The following LMLN variants were observed in gnomAD, a reference collection of about 807,000 sequenced individuals.
LMLN encodes leishmanolysin like peptidase, also known as leishmanolysin-like peptidase.
A neutral mutation model predicts 92.3 loss-of-function variants in LMLN; 70 were observed. The ratio of observed to expected loss-of-function variants is 0.76; its 90% confidence interval spans 0.63 to 0.92. The LOEUF is 0.92. Among genes scored for constraint, LMLN ranks in the 40% least tolerant of loss-of-function variants. The pLI, the probability that LMLN is intolerant of heterozygous loss-of-function variation, is 0.00. For synonymous variants in LMLN, 308 were observed against 296.2 expected (o/e 1.04, Z -0.41); for missense variants, 691 against 814.6 (o/e 0.85, Z 1.85).
chr3:197,975,169 G>T, intron 3 of LMLN, 97 bp downstream of exon 3: 1 of 686,436 alleles, frequency 1.5e-6, no homozygotes, highest in South Asian at 1.9e-5. Flanking sequence ...TGACTTTTGT[G>T]ACTGAATGAA....
intron 1 of LMLN, among the ~76,000 whole-genome samples, chr3:197,964,910 G>A (rs1339667588): frequency 6.6e-6 from 1 of 151,848 alleles, no homozygotes; most frequent in Non-Finnish European, 1.5e-5. Flanking sequence ...TGGAGGCTGA[G>A]GCAGGAGAAT....
intron 1 of LMLN, among the ~76,000 whole-genome samples, chr3:197,972,584 C>T (rs910424236): frequency 1.3e-5 from 2 of 152,044 alleles, no homozygotes; most frequent in Admixed American, 6.6e-5. Context: ...CCTGCTTTTT[C>T]CCCCATTGTG....
intron 5 of LMLN, among the ~76,000 whole-genome samples, chr3:197,978,602 A>C (rs1721469608): frequency 6.6e-6 from 1 of 152,092 alleles, no homozygotes; most frequent in Non-Finnish European, 1.5e-5. Context: ...TTCCCACTGT[A>C]CTCCAACCTG....
At chr3:197,980,809 G>A in intron 6 of LMLN, 1 of 248,048 alleles carries the variant, frequency 4.0e-6, no homozygotes, top group South Asian at 6.1e-5. Flanking sequence ...CAAAGAAAAA[G>A]TCTGCTGTCA....
At chr3:197,985,640 T>A (rs1255634224) in intron 7 of LMLN, 156 bp from the exon 8 acceptor site, 5 of 476,166 alleles carry the variant, frequency 1.1e-5, no homozygotes, top group African/African-American at 3.8e-5. Context: ...ATGGAACACT[T>A]AATTGTTGTT....
At chr3:197,963,210 TTTTG>T (rs1381737368) in intron 1 of LMLN, among the ~76,000 whole-genome samples, 1 of 151,492 alleles carries the variant, frequency 6.6e-6, no homozygotes, top group African/African-American at 2.4e-5. Flanking sequence ...TCTTTTTTTT[TTTTG>T]TTTTGTTTTG....
chr3:197,980,510 C>G lies in LMLN; in HGVS notation c.728+6C>G, dbSNP rs1721526620. 6.2e-7 allele frequency: 1 copy of G among 1,609,488 alleles called. No individual in the cohort carries two copies. Among genetic ancestry groups the G allele is most frequent in the African/African-American group, 1.3e-5 (1 of 74,782 alleles). ...CAGGAAGCAAACATGGACAGGTAAT[C>G]TTTCCTCCGGGACTTAGTTTCCAAG... is the stretch of plus-strand genomic sequence containing the variant. On this transcript the variant is annotated splice_donor_region_variant and intron_variant, in intron 6 of 15. Coordinates refer to ENST00000330198, the Ensembl canonical transcript of LMLN.
chr3:198,015,673 G>T (rs1722615985), intron 11 of LMLN, among the ~76,000 whole-genome samples: 1 of 147,542 alleles, frequency 6.8e-6, no homozygotes, highest in African/African-American at 2.6e-5. Flanking sequence ...TAACTAGTCT[G>T]ACTTCCCTCC....
chr3:197,963,160 G>A (rs554254304), intron 1 of LMLN, among the ~76,000 whole-genome samples: 5 of 151,420 alleles, frequency 3.3e-5, no homozygotes, highest in East Asian at 1.9e-4. Context: ...CAGCAAAAAT[G>A]TATAGATCTT....
Position 198,023,367 on chromosome 3 carries a change from T to C in LMLN, c.1526-1291T>C, listed in dbSNP as rs1014291279. 2.0e-5 allele frequency among the ~76,000 whole-genome samples: 3 copies of C among 152,110 alleles called. No homozygotes were observed. The East Asian group carries it at 5.8e-4, about 29-fold the overall frequency. On this transcript the variant is annotated intron_variant, in intron 13 of 15. Transcript: ENST00000330198. ...CCACACCTGACTAATTTTTAAAAAT[T>C]TTTGTAGAGATGAGGCTTGCTATGT...
At chr3:198,022,775 G>T (rs1722816759) in intron 13 of LMLN, among the ~76,000 whole-genome samples, 1 of 152,202 alleles carries the variant, frequency 6.6e-6, no homozygotes, top group African/African-American at 2.4e-5. Flanking sequence ...AGGATTGCTT[G>T]AGCAGCCCAG....
chr3:198,035,890 A>C, exon 15 of LMLN: 1 of 1,614,060 alleles, frequency 6.2e-7, no homozygotes, highest in Non-Finnish European at 8.5e-7. Context: ...ATATTTGTGT[A>C]GTCGGGCTGG....
At chr3:197,989,705 G>A (rs55747038) in intron 8 of LMLN, among the ~76,000 whole-genome samples, 1 of 152,194 alleles carries the variant, frequency 6.6e-6, no homozygotes, top group East Asian at 1.9e-4. Context: ...ATCTCATAGG[G>A]TTGTTGAAAA....
intron 13 of LMLN, among the ~76,000 whole-genome samples, chr3:198,024,213 ATTTTT>A (rs1245381667): frequency 1.5e-5 from 2 of 134,968 alleles, no homozygotes; most frequent in African/African-American, 5.5e-5. Flanking sequence ...GTGGATCCTA[ATTTTT>A]TTTTTTTTTT....
At chr3:197,978,779 T>C (rs1161736764) in intron 5 of LMLN, among the ~76,000 whole-genome samples, 1 of 152,106 alleles carries the variant, frequency 6.6e-6, no homozygotes, top group Non-Finnish European at 1.5e-5. Context: ...TCACCTGAGG[T>C]CAGGAGTTCA....
intron 8 of LMLN, among the ~76,000 whole-genome samples, chr3:197,987,792 C>T (rs541966717): frequency 1.3e-5 from 2 of 152,244 alleles, no homozygotes; most frequent in African/African-American, 4.8e-5. Context: ...ACATTCCCAC[C>T]AGGTGTGTAT....
intron 6 of LMLN, 148 bp from the exon 7 acceptor site, chr3:197,983,795 G>A (rs1721624699): frequency 3.7e-6 from 2 of 537,484 alleles, no homozygotes; most frequent in East Asian, 3.0e-5. Flanking sequence ...GAGGATACAT[G>A]TCTTAAAAGT....
intron 9 of LMLN, among the ~76,000 whole-genome samples, chr3:197,992,711 G>T (rs1721910214): frequency 6.6e-6 from 1 of 152,080 alleles, no homozygotes; most frequent in Non-Finnish European, 1.5e-5. Flanking sequence ...GTTTAAAGAA[G>T]AACTAATAAT....
At chr3:198,015,614 T>G (rs1262714927) in intron 11 of LMLN, among the ~76,000 whole-genome samples, 2 of 138,436 alleles carry the variant, frequency 1.4e-5, no homozygotes, top group Admixed American at 1.4e-4. Flanking sequence ...CTCTCCACCC[T>G]TCAGAGCCCC....
Sources: allele counts gnomAD v4.1 joint callset (sites outside exome capture counted in the v4.1 genomes callset), GRCh38; gene constraint gnomAD v4.1.1; transcripts MANE v1.5; gene names NCBI Gene and HGNC (gene_info 2026-07-23, HGNC 2026-07-21).